The following SNTG1 variants were observed in gnomAD, a reference collection of about 807,000 sequenced individuals.
The protein encoded by SNTG1 is syntrophin gamma 1.
A neutral mutation model predicts 74.7 loss-of-function variants in SNTG1; 39 were observed. The observed-to-expected ratio is 0.52, with a 90% CI of 0.40 to 0.68. The LOEUF is 0.68. Ranked by LOEUF, SNTG1 falls within the 30% of genes least tolerant of loss-of-function variation. The probability of loss-of-function intolerance (pLI) is 0.00; values close to 1 mark genes in which losing one functional copy is unlikely to be tolerated. For synonymous variants in SNTG1, 254 were observed against 217.1 expected, an observed-to-expected ratio of 1.17 and a Z score of -1.49; for missense variants, 685 against 609.5, an observed-to-expected ratio of 1.12 and a Z score of -1.30.
intron 8 of SNTG1, among the ~76,000 whole-genome samples, chr8:50,494,118 TATAC>T (rs1315903888): frequency 6.6e-6 from 1 of 151,218 alleles, no homozygotes; most frequent in Non-Finnish European, 1.5e-5. Context: ...TATATGTATA[TATAC>T]ACACACACAC....
At chr8:50,282,819 G>A (rs1481214286) in intron 2 of SNTG1, among the ~76,000 whole-genome samples, 1 of 152,074 alleles carries the variant, frequency 6.6e-6, no homozygotes, top group Non-Finnish European at 1.5e-5. Flanking sequence ...GACAATATCT[G>A]TTTCTATGTA....
chr8:50,676,844 A>G (rs1436611287), intron 15 of SNTG1, among the ~76,000 whole-genome samples: 1 of 151,982 alleles, frequency 6.6e-6, no homozygotes, highest in Non-Finnish European at 1.5e-5. Flanking sequence ...TATTTCTAAA[A>G]CAATGCAAGA....
chr8:50,666,005 G>A (rs1015970157), intron 15 of SNTG1, among the ~76,000 whole-genome samples: 1 of 152,144 alleles, frequency 6.6e-6, no homozygotes, highest in Non-Finnish European at 1.5e-5. Context: ...CAAAAATTAT[G>A]CATGTCTGAT....
chr8:50,043,817 A>T (rs924684346), intron 1 of SNTG1, among the ~76,000 whole-genome samples: 3 of 152,224 alleles, frequency 2.0e-5, no homozygotes, highest in Non-Finnish European at 2.9e-5. Context: ...ATACACACAC[A>T]CACCAAAAAC....
chr8:50,173,548 A>ATG (rs2082884282), intron 2 of SNTG1, among the ~76,000 whole-genome samples: 1 of 152,178 alleles, frequency 6.6e-6, no homozygotes, highest in African/African-American at 2.4e-5. Flanking sequence ...TGAGTGTATC[A>ATG]TGTGTTATAA....
chr8:50,159,629 T>C (rs1227865332), intron 1 of SNTG1, among the ~76,000 whole-genome samples: 2 of 152,212 alleles, frequency 1.3e-5, no homozygotes, highest in South Asian at 2.1e-4. Context: ...ATTTGACATG[T>C]ATATCAAAAA....
At chr8:50,132,677 G>A (rs2131411113) in intron 1 of SNTG1, among the ~76,000 whole-genome samples, 1 of 152,236 alleles carries the variant, frequency 6.6e-6, no homozygotes, top group Admixed American at 6.5e-5. Flanking sequence ...GGTCCCATTG[G>A]ACAGTGACTC....
chr8:50,218,556 T>G (rs2084907619), intron 2 of SNTG1, among the ~76,000 whole-genome samples: 1 of 144,392 alleles, frequency 6.9e-6, no homozygotes, highest in Non-Finnish European at 1.5e-5. Flanking sequence ...TTTTTCTATG[T>G]TTTTTTTTCA....
intron 1 of SNTG1, among the ~76,000 whole-genome samples, chr8:50,018,859 G>A (rs1413205666): frequency 6.6e-6 from 1 of 151,972 alleles, no homozygotes; most frequent in Non-Finnish European, 1.5e-5. Flanking sequence ...TGGAGACATT[G>A]GATCCTTTGT....
At chr8:50,193,549 A>G (rs984545164) in intron 2 of SNTG1, among the ~76,000 whole-genome samples, 1 of 152,106 alleles carries the variant, frequency 6.6e-6, no homozygotes, top group African/African-American at 2.4e-5. Context: ...GAATCCTTTT[A>G]TCAATTCTAG....
At chr8:49,927,099 CA>C (rs770111327) in intron 1 of SNTG1, among the ~76,000 whole-genome samples, 5 of 152,222 alleles carry the variant, frequency 3.3e-5, no homozygotes, top group Admixed American at 1.3e-4. Context: ...AAAACACTGA[CA>C]ATACAAAATG....
In SNTG1 at chr8:49,972,787, A is replaced by G. The variant is rs530380500; in HGVS notation, c.-103+60556A>G. Among the ~76,000 whole-genome samples, 21 of 152,338 alleles carry G rather than the reference A, an allele frequency of 1.4e-4. No individual in the cohort carries two copies. The East Asian group carries it at 4.1e-3, about 29-fold the overall frequency. Reference sequence around the variant, plus strand: ...AATGCTCATCATCACTGGCCATCAGAGAAACGCAAATCAGAACCACAATGA... The same window carrying G: ...AATGCTCATCATCACTGGCCATCAGGGAAACGCAAATCAGAACCACAATGA... On this transcript the variant is annotated intron_variant, in intron 1 of 18. Coordinates refer to ENST00000642720, the MANE Select transcript of SNTG1 (RefSeq NM_018967.5).
chr8:50,097,317 G>A lies in SNTG1; in HGVS notation c.-102-75244G>A, dbSNP rs111987700. On this transcript the variant is annotated intron_variant, in intron 1 of 18. Coordinates refer to ENST00000642720, the MANE Select transcript of SNTG1 (RefSeq NM_018967.5). The stretch of plus-strand genomic sequence containing the variant: ...TAGTTGTGAATTTGATATAGTCCAT[G>A]TTGAAGAATTTGTTTTTGCTAGGAA... Among the ~76,000 whole-genome samples the A allele has an allele frequency of 7.2e-5, 11 of 152,214 alleles. 1 individual carries two copies. Among genetic ancestry groups the A allele is most frequent in the African/African-American group, 2.4e-4 (10 of 41,524 alleles).
intron 18 of SNTG1, among the ~76,000 whole-genome samples, chr8:50,790,938 G>T (rs993788746): frequency 1.3e-5 from 2 of 151,682 alleles, no homozygotes; most frequent in African/African-American, 2.4e-5. Flanking sequence ...AAAGTTATTT[G>T]CCATACTATT....
At position 50,372,619 on chromosome 8, in the gene SNTG1, C is replaced by T. The variant is rs376088482; in HGVS notation, c.-27-21593C>T. Among the ~76,000 whole-genome samples the T allele has an allele frequency of 3.3e-5, 5 of 152,154 alleles. No homozygotes were observed. In the South Asian group the frequency reaches 8.3e-4, roughly 25 times the overall value. ...TTTATATAATTTTATTAAATGTCTG[C>T]TGTGTGTCAAGCTCATTGAGAAGCT... On this transcript the variant is annotated intron_variant, in intron 2 of 18. Transcript: ENST00000642720.
At chr8:50,540,884 C>A (rs981808546) in intron 11 of SNTG1, among the ~76,000 whole-genome samples, 2 of 151,766 alleles carry the variant, frequency 1.3e-5, no homozygotes, top group Non-Finnish European at 2.9e-5. Context: ...ATAAAATATG[C>A]CCCTTCTGCA....
rs555682220 is a variant in SNTG1, at chr8:50,293,566, C to T, written c.-27-100646C>T. Among the ~76,000 whole-genome samples, 36 of 151,924 alleles carry T rather than the reference C, an allele frequency of 2.4e-4. 1 individual carries two copies. Among genetic ancestry groups the T allele is most frequent in the Admixed American group, 6.6e-4 (10 of 15,244 alleles). Reference sequence around the variant, plus strand: ...CTGGGATTACAGGCATGCACCAAAACGCCCAGCTAATTTTTGTAATTTTAG... The same window carrying T: ...CTGGGATTACAGGCATGCACCAAAATGCCCAGCTAATTTTTGTAATTTTAG... On this transcript the variant is annotated intron_variant, in intron 2 of 18. Transcript: ENST00000642720.
intron 2 of SNTG1, among the ~76,000 whole-genome samples, chr8:50,301,867 T>TTTG (rs1563866888): frequency 6.6e-6 from 1 of 151,428 alleles, no homozygotes; most frequent in Non-Finnish European, 1.5e-5. Context: ...TTTTTGTTTT[T>TTTG]TTTTTTTGAG....
chr8:50,558,150 C>A (rs541720347), intron 12 of SNTG1, among the ~76,000 whole-genome samples: 1 of 152,246 alleles, frequency 6.6e-6, no homozygotes, highest in South Asian at 2.1e-4. Context: ...ATCCCTCATG[C>A]CACAAAAACT....
Sources: allele counts gnomAD v4.1 joint callset (sites outside exome capture counted in the v4.1 genomes callset), GRCh38; gene constraint gnomAD v4.1.1; transcripts MANE v1.5; gene names NCBI Gene and HGNC (gene_info 2026-07-23, HGNC 2026-07-21).